The following SCAPER variants were observed in gnomAD, a reference collection of about 807,000 sequenced individuals.
SCAPER encodes the protein S-phase cyclin A associated protein in the ER, also known as S phase cyclin A-associated protein in the endoplasmic reticulum.
In SCAPER, 98 loss-of-function variants were observed where a neutral mutation model predicts 182.2. The ratio of observed to expected loss-of-function variants is 0.54; its 90% CI spans 0.46 to 0.64. SCAPER has a LOEUF of 0.64. SCAPER is among the 30% of genes least tolerant of loss of function. The pLI, the probability that SCAPER is intolerant of heterozygous loss-of-function variation, is 0.00. For missense variants in SCAPER, 1,432 were observed against 1,690.0 expected (o/e 0.85, Z 2.68); for synonymous variants, 605 against 564.6 (o/e 1.07, Z -1.01).
At chr15:76,808,479 C>T (rs2151558421) in intron 5 of SCAPER, among the ~76,000 whole-genome samples, 1 of 152,304 alleles carries the variant, frequency 6.6e-6, no homozygotes, top group South Asian at 2.1e-4. Context: ...GTGAATCTCG[C>T]TAAACTATAA....
chr15:76,894,812 T>C (rs187865186), intron 1 of SCAPER, among the ~76,000 whole-genome samples: 101 of 152,148 alleles, frequency 6.6e-4, no homozygotes, highest in Non-Finnish European at 1.1e-3. Context: ...CCTAGAAATA[T>C]ACAACCTACC....
chr15:76,361,151 C>G lies in SCAPER; in HGVS notation c.3856-7011G>C, dbSNP rs560479812. 7.2e-5 allele frequency among the ~76,000 whole-genome samples: 11 copies of G among 152,132 alleles called. No individual in the cohort carries two copies. In the East Asian group the frequency reaches 2.1e-3, roughly 29 times the overall value. ...AAAATGACAACTGTCAAATTCACTCCATAAAATTCCAAGGAGTGGCTAGGA... is the reference window on the plus strand; with the variant it reads ...AAAATGACAACTGTCAAATTCACTCGATAAAATTCCAAGGAGTGGCTAGGA... On this transcript the variant is annotated intron_variant, in intron 29 of 31. Transcript: ENST00000563290.
At chr15:76,716,670 T>C (rs2059902584) in intron 17 of SCAPER, among the ~76,000 whole-genome samples, 1 of 151,090 alleles carries the variant, frequency 6.6e-6, no homozygotes, top group Admixed American at 6.6e-5. Flanking sequence ...AAATAAAAAA[T>C]ACCACAGAGG....
chr15:76,670,871 G>A (rs2056963473), intron 20 of SCAPER, among the ~76,000 whole-genome samples: 1 of 152,092 alleles, frequency 6.6e-6, no homozygotes, highest in African/African-American at 2.4e-5. Flanking sequence ...ACCTTTTGAT[G>A]ATAAAAGAGT....
At chr15:76,862,149 T>A (rs1309512365) in intron 3 of SCAPER, among the ~76,000 whole-genome samples, 5 of 152,178 alleles carry the variant, frequency 3.3e-5, no homozygotes, top group Non-Finnish European at 5.9e-5. Context: ...TCACTAAATC[T>A]CTTATCACTT....
chr15:76,826,560 A>G (rs2068036516), intron 5 of SCAPER, among the ~76,000 whole-genome samples: 1 of 75,274 alleles, frequency 1.3e-5, no homozygotes, highest in Non-Finnish European at 2.9e-5. Context: ...CTTTAAGTAT[A>G]ATAATAATTA....
chr15:76,857,750 T>C (rs1196284003), intron 4 of SCAPER, 59 bp downstream of exon 4: 1 of 1,032,194 alleles, frequency 9.7e-7, no homozygotes, highest in Non-Finnish European at 1.4e-6. Context: ...TCATAATTTA[T>C]AATACATTCA....
intron 28 of SCAPER, chr15:76,379,642 G>T (rs1042037360): frequency 6.6e-6 from 1 of 151,882 alleles, no homozygotes; most frequent in Non-Finnish European, 1.5e-5. Flanking sequence ...TCTTAGTTGG[G>T]CACAAAGGAT....
chr15:76,800,445 G>T (rs1206344117), intron 6 of SCAPER, 81 bp from the exon 7 acceptor site: 1 of 885,442 alleles, frequency 1.1e-6, no homozygotes, highest in Non-Finnish European at 1.8e-6. Flanking sequence ...GTTGTTAGTG[G>T]CTGAAAAAAT....
At chr15:76,405,363 T>A (rs979760578) in intron 26 of SCAPER, among the ~76,000 whole-genome samples, 1 of 152,064 alleles carries the variant, frequency 6.6e-6, no homozygotes, top group South Asian at 2.1e-4. Flanking sequence ...GCGATCCTCC[T>A]GCCTCGGCCT....
chr15:76,389,735 G>A (rs529465148), intron 27 of SCAPER, among the ~76,000 whole-genome samples: 1 of 148,018 alleles, frequency 6.8e-6, no homozygotes, highest in African/African-American at 2.5e-5. Context: ...GGAGAATGGC[G>A]TGAACCCAGG....
chr15:76,785,896 G>A (rs1598728904), intron 8 of SCAPER, among the ~76,000 whole-genome samples: 1 of 152,108 alleles, frequency 6.6e-6, no homozygotes, highest in Non-Finnish European at 1.5e-5. Flanking sequence ...GACTGTGGGA[G>A]GGATAGCATT....
chr15:76,607,663 G>A (rs1266607321), intron 22 of SCAPER, among the ~76,000 whole-genome samples: 3 of 152,126 alleles, frequency 2.0e-5, no homozygotes, highest in African/African-American at 4.8e-5. Flanking sequence ...CCAATCAGAC[G>A]CAGATTTGGT....
intron 20 of SCAPER, among the ~76,000 whole-genome samples, chr15:76,678,731 G>A (rs530332225): frequency 1.3e-5 from 2 of 151,956 alleles, no homozygotes; most frequent in East Asian, 1.9e-4. Flanking sequence ...GAAAAATAAA[G>A]GAACACTCAC....
intron 19 of SCAPER, 93 bp downstream of exon 19, chr15:76,702,757 C>T (rs377144568): frequency 3.5e-6 from 5 of 1,435,496 alleles, no homozygotes; most frequent in African/African-American, 3.0e-5. Flanking sequence ...CCTGCCTTAG[C>T]GTGAGTTTTA....
In SCAPER at chr15:76,705,942, T is replaced by C. The variant is rs201386014; in HGVS notation, c.2208A>G (p.Gln736=). The C allele has an allele frequency of 1.2e-4, 192 of 1,565,132 alleles. 1 individual carries two copies. Among genetic ancestry groups the C allele is most frequent in the Middle Eastern group, 1.0e-3 (6 of 5,998 alleles). The change falls in exon 18 of 32, where the codon CAA becomes CAG. Residue 736 remains glutamine, a synonymous_variant. Transcript: ENST00000563290. The part of the protein sequence containing the change: ...ERLAALTAAQ[Q]EAMEELQKKI... ...TTTTCTGTAACTCTTCCATAGCTTC[T>C]TGTTGAGCAGCTGTGAGTGCTGCCA...
intron 15 of SCAPER, among the ~76,000 whole-genome samples, chr15:76,737,270 T>C (rs978814578): frequency 6.6e-6 from 1 of 152,166 alleles, no homozygotes; most frequent in Non-Finnish European, 1.5e-5. Context: ...GACTGCAGAG[T>C]GGATGTTACG....
At chr15:76,527,919 C>T (rs1207465221) in intron 23 of SCAPER, among the ~76,000 whole-genome samples, 1 of 152,152 alleles carries the variant, frequency 6.6e-6, no homozygotes, top group African/African-American at 2.4e-5. Flanking sequence ...CTTTCCCCAA[C>T]TATCTGGAAA....
intron 26 of SCAPER, among the ~76,000 whole-genome samples, chr15:76,423,925 C>T (rs560156450): frequency 8.5e-5 from 13 of 152,210 alleles, no homozygotes; most frequent in African/African-American, 2.2e-4. Flanking sequence ...TGTAGTTGAG[C>T]GGTTTTGAGT....
Sources: gnomAD v4.1 joint callset for allele counts (sites outside exome capture counted in the v4.1 genomes callset) on GRCh38, gnomAD v4.1.1 for gene constraint, MANE v1.5 for transcripts, NCBI Gene and HGNC (gene_info 2026-07-23, HGNC 2026-07-21) for gene names.